The following TRIM44 variants were observed in gnomAD, a reference collection of about 807,000 sequenced individuals.
TRIM44 encodes the protein tripartite motif containing 44, also known as tripartite motif-containing protein 44.
In TRIM44, 13 loss-of-function variants were observed where a neutral mutation model predicts 37.4. The observed-to-expected ratio is 0.35, with a 90% CI of 0.23 to 0.55. The LOEUF is 0.55. Among genes scored for constraint, TRIM44 ranks in the 20% least tolerant of loss-of-function variants. TRIM44 has a pLI of 0.89. For missense variants in TRIM44, 426 were observed against 437.2 expected (o/e 0.97, Z 0.23); for synonymous variants, 175 against 157.2 (o/e 1.11, Z -0.85).
Position 35,701,363 on chromosome 11 carries a change from A to G in TRIM44, c.747+16027A>G, listed in dbSNP as rs1379157198. 2.0e-5 allele frequency among the ~76,000 whole-genome samples: 3 copies of G among 152,108 alleles called. 1 individual carries two copies. The highest frequency in any genetic ancestry group is 4.4e-5 in the Non-Finnish European group (3 of 68,026). The stretch of plus-strand genomic sequence containing the variant: ...CTGCTTGTAATTAAGCTGACGTTTA[A>G]CTATAGTGCTCTTTAAAAAAAAAAA... On this transcript the variant is annotated intron_variant, in intron 2 of 4. Transcript: ENST00000299413.
chr11:35,776,011 C>G lies in TRIM44; in HGVS notation c.1008-30347C>G, dbSNP rs192394800. Among the ~76,000 whole-genome samples, 4 of 152,206 alleles carry G rather than the reference C, an allele frequency of 2.6e-5. No individual in the cohort carries two copies. In the East Asian group the frequency reaches 7.7e-4, roughly 29 times the overall value. On this transcript the variant is annotated intron_variant, in intron 4 of 4. Transcript: ENST00000299413. ...AAATGAGTTAGAGAGGATTCCCTCT[C>G]TTTTTATTGATTGGAATAGTTTCAG...
At chr11:35,746,829 G>A (rs1852497922) in intron 4 of TRIM44, among the ~76,000 whole-genome samples, 1 of 152,168 alleles carries the variant, frequency 6.6e-6, no homozygotes, top group Non-Finnish European at 1.5e-5. Context: ...TAAGCAGGGA[G>A]TTCAGCGAAG....
intron 1 of TRIM44, among the ~76,000 whole-genome samples, chr11:35,682,488 C>T (rs1851531128): frequency 6.6e-6 from 1 of 152,186 alleles, no homozygotes; most frequent in Non-Finnish European, 1.5e-5. Flanking sequence ...CGAGGAGCCT[C>T]TGCCTTCTGA....
intron 1 of TRIM44, among the ~76,000 whole-genome samples, chr11:35,683,751 T>C (rs993705006): frequency 1.3e-5 from 2 of 152,052 alleles, no homozygotes. Flanking sequence ...TATAATATAA[T>C]GTATTATTAT....
At chr11:35,763,276 TA>T (rs1852751775) in intron 4 of TRIM44, among the ~76,000 whole-genome samples, 1 of 151,952 alleles carries the variant, frequency 6.6e-6, no homozygotes, top group South Asian at 2.1e-4. Flanking sequence ...GAAGGCCCAC[TA>T]GATTAGAACA....
intron 1 of TRIM44, among the ~76,000 whole-genome samples, chr11:35,667,985 G>A (rs965407595): frequency 1.3e-5 from 2 of 152,098 alleles, no homozygotes; most frequent in Non-Finnish European, 2.9e-5. Flanking sequence ...GAGGCAGAGT[G>A]TAGTGTTTCT....
At chr11:35,700,200 T>G (rs1564960158) in intron 2 of TRIM44, among the ~76,000 whole-genome samples, 1 of 152,236 alleles carries the variant, frequency 6.6e-6, no homozygotes, top group East Asian at 1.9e-4. Context: ...ATCAGTGCTT[T>G]AAGTGCTTAA....
chr11:35,721,141 T>C (rs1361258807), intron 2 of TRIM44, among the ~76,000 whole-genome samples: 1 of 152,224 alleles, frequency 6.6e-6, no homozygotes, highest in East Asian at 1.9e-4. Context: ...TGACCTCAGG[T>C]GATCCACCCA....
intron 2 of TRIM44, among the ~76,000 whole-genome samples, chr11:35,711,151 A>G (rs1851965870): frequency 6.6e-6 from 1 of 152,224 alleles, no homozygotes; most frequent in Non-Finnish European, 1.5e-5. Context: ...ATATACTACA[A>G]ACCACAAAAT....
intron 4 of TRIM44, among the ~76,000 whole-genome samples, chr11:35,805,215 A>G (rs1853431964): frequency 6.6e-6 from 1 of 152,202 alleles, no homozygotes; most frequent in African/African-American, 2.4e-5. Flanking sequence ...CATAATAGGA[A>G]GAATGGGTGA....
intron 4 of TRIM44, among the ~76,000 whole-genome samples, chr11:35,739,475 A>G (rs541286210): frequency 6.6e-6 from 1 of 152,334 alleles, no homozygotes; most frequent in South Asian, 2.1e-4. Flanking sequence ...CAGTCCTCAG[A>G]ATATGACTGG....
At chr11:35,677,547 A>G (rs532299718) in intron 1 of TRIM44, among the ~76,000 whole-genome samples, 3 of 152,268 alleles carry the variant, frequency 2.0e-5, no homozygotes, top group Middle Eastern at 3.4e-3. Context: ...CTTAGCTTGT[A>G]CTGCTTCTCT....
In TRIM44 at chr11:35,726,258, A is replaced by C. The variant is rs1453393177; in HGVS notation, c.987+95A>C. The C allele has an allele frequency of 5.4e-6, 8 of 1,484,866 alleles. No individual in the cohort carries two copies. The East Asian group carries it at 1.8e-4, about 34-fold the overall frequency. 92.0% of individuals were successfully genotyped at this position (1,484,866 alleles called of 1,614,324 possible). On this transcript the variant is annotated intron_variant, in intron 3 of 4. Transcript: ENST00000299413. ...CCCATGTGGTCCCTGAACGTGAATG[A>C]ATTGAAGTCTAGGTAGAGTATAAGT...
chr11:35,682,105 T>C (rs1805174804), intron 1 of TRIM44, among the ~76,000 whole-genome samples: 2 of 151,774 alleles, frequency 1.3e-5, no homozygotes, highest in South Asian at 4.2e-4. Context: ...CTATGTCCCA[T>C]GCTTTTGAAG....
At position 35,809,636 on chromosome 11, in the gene TRIM44, G is replaced by A. The variant is rs1199627647; in HGVS notation, c.*3251G>A. 5 of 152,114 alleles carry A rather than the reference G, an allele frequency of 3.3e-5. No homozygotes were observed. The highest frequency in any genetic ancestry group is 1.9e-4 in the East Asian group (1 of 5,186). The allele number at this position is 152,114 out of a possible 1,614,324, so 9.4% of individuals were successfully genotyped here. ...TTTGCAGCAGTAGTAAAAGTGAAGG[G>A]TGTTCTGCTCTCTACTCAACTTTAT... On this transcript the variant is annotated 3_prime_UTR_variant, in exon 5 of 5. Transcript: ENST00000299413.
At chr11:35,717,995 G>C (rs1457924394) in intron 2 of TRIM44, among the ~76,000 whole-genome samples, 1 of 152,134 alleles carries the variant, frequency 6.6e-6, no homozygotes. Context: ...CAGGGCACCA[G>C]GAATCTAACT....
At chr11:35,719,404 C>T (rs1273616278) in intron 2 of TRIM44, among the ~76,000 whole-genome samples, 1 of 152,024 alleles carries the variant, frequency 6.6e-6, no homozygotes, top group Non-Finnish European at 1.5e-5. Context: ...GTTTTTTAAT[C>T]AGGTTGTTCA....
chr11:35,790,039 G>C (rs975967258), intron 4 of TRIM44, among the ~76,000 whole-genome samples: 1 of 152,094 alleles, frequency 6.6e-6, no homozygotes, highest in African/African-American at 2.4e-5. Flanking sequence ...ACTGGGAGGA[G>C]GGCAAAATGT....
chr11:35,745,098 G>T (rs911315468), intron 4 of TRIM44, among the ~76,000 whole-genome samples: 5 of 152,154 alleles, frequency 3.3e-5, no homozygotes, highest in Non-Finnish European at 7.4e-5. Context: ...TAATGGGATT[G>T]CTGGGTCAAA....
Sources: allele counts gnomAD v4.1 joint callset (sites outside exome capture counted in the v4.1 genomes callset), GRCh38; gene constraint gnomAD v4.1.1; transcripts MANE v1.5; gene names NCBI Gene and HGNC (gene_info 2026-07-23, HGNC 2026-07-21).